The following IL7 variants were observed in gnomAD, a reference collection of about 807,000 sequenced individuals.
IL7 encodes interleukin-7.
Under a neutral mutation model 21.6 loss-of-function variants are expected in IL7, and 3 were observed. The ratio of observed to expected loss-of-function variants is 0.14; its 90% confidence interval spans 0.06 to 0.36. IL7 has a LOEUF of 0.36. Among genes scored for constraint, IL7 ranks in the 10% least tolerant of loss-of-function variants. The pLI, the probability that IL7 is intolerant of heterozygous loss-of-function variation, is 1.00. For synonymous variants in IL7, 62 were observed against 68.1 expected, an observed-to-expected ratio of 0.91 and a Z score of 0.44; for missense variants, 175 against 200.2, an observed-to-expected ratio of 0.87 and a Z score of 0.76.
chr8:78,681,897 CTTTCT>C (rs1488701364), intron 4 of IL7, among the ~76,000 whole-genome samples: 2 of 120,316 alleles, frequency 1.7e-5, no homozygotes, highest in African/African-American at 5.8e-5. Context: ...TTTCCTTTTT[CTTTCT>C]TTTTTTTTTT....
intron 2 of IL7, among the ~76,000 whole-genome samples, chr8:78,748,087 A>G (rs1812043957): frequency 6.6e-6 from 1 of 152,238 alleles, no homozygotes. Flanking sequence ...AGGAAGAGAC[A>G]GAACTGGTTT....
chr8:78,788,738 C>A (rs1813592689), intron 2 of IL7, among the ~76,000 whole-genome samples: 1 of 152,050 alleles, frequency 6.6e-6, no homozygotes, highest in African/African-American at 2.4e-5. Context: ...TCAATTAGAT[C>A]CAGTTGATTT....
intron 2 of IL7, among the ~76,000 whole-genome samples, chr8:78,763,654 T>C (rs774247200): frequency 9.8e-5 from 15 of 152,314 alleles, no homozygotes; most frequent in Non-Finnish European, 1.9e-4. Context: ...AATAGGACTA[T>C]ATCTATTCAA....
intron 3 of IL7, among the ~76,000 whole-genome samples, chr8:78,695,171 A>G (rs1810357170): frequency 6.6e-6 from 1 of 152,194 alleles, no homozygotes; most frequent in African/African-American, 2.4e-5. Flanking sequence ...TGTCTAAAGT[A>G]ATGGGAAATA....
chr8:78,687,694 G>A (rs1357463333), intron 3 of IL7, among the ~76,000 whole-genome samples: 10 of 97,960 alleles, frequency 1.0e-4, no homozygotes, highest in South Asian at 6.6e-4. Context: ...ATATATTTAC[G>A]TAATACATTA....
At chr8:78,762,387 C>A (rs1586080213) in intron 2 of IL7, 2 of 1,612,064 alleles carry the variant, frequency 1.2e-6, no homozygotes, top group East Asian at 4.5e-5. Flanking sequence ...AGTCGGACTG[C>A]GTGCTCTTCC....
chr8:78,725,208 A>G (rs569453573), intron 3 of IL7, among the ~76,000 whole-genome samples: 2 of 152,142 alleles, frequency 1.3e-5, no homozygotes, highest in South Asian at 4.2e-4. Context: ...ATAATATGAA[A>G]TGGACACTGC....
chr8:78,720,867 T>C (rs1400198162), intron 5 of IL7, among the ~76,000 whole-genome samples: 2 of 151,948 alleles, frequency 1.3e-5, no homozygotes, highest in Admixed American at 1.3e-4. Flanking sequence ...TAGTAGGTTA[T>C]AGTTTCATTT....
In IL7 at chr8:78,762,020, T is replaced by C. The variant is rs1243840442; in HGVS notation, c.148-21938A>G. Reference sequence around the variant, plus strand: ...CTCTTCTTCGCTGGGGTTCTGAGCATTGCTATTGTTGGTTTCTTTATGTTT... The same window carrying C: ...CTCTTCTTCGCTGGGGTTCTGAGCACTGCTATTGTTGGTTTCTTTATGTTT... On this transcript the variant is annotated intron_variant, in intron 2 of 5. Transcript: ENST00000263851. 2.5e-6 allele frequency: 4 copies of C among 1,601,250 alleles called. No homozygotes were observed. In the Admixed American group the frequency reaches 5.1e-5, roughly 20 times the overall value.
At chr8:78,759,057 T>C (rs1563423682) in intron 2 of IL7, among the ~76,000 whole-genome samples, 4 of 145,658 alleles carry the variant, frequency 2.7e-5, no homozygotes, top group African/African-American at 1.1e-4. Flanking sequence ...ATTCTTTTAT[T>C]CCCCCCCCCA....
intron 3 of IL7, chr8:78,712,152 C>A (rs1443259036): frequency 1.8e-6 from 2 of 1,117,156 alleles, no homozygotes; most frequent in East Asian, 5.8e-5. Flanking sequence ...CAGATATTTC[C>A]TTAAAAGCTT....
At position 78,793,777 on chromosome 8, in the gene IL7, T is replaced by C. The variant is rs75167080; in HGVS notation, c.147+4295A>G. Among the ~76,000 whole-genome samples the C allele has an allele frequency of 7.3e-3, 1,107 of 152,284 alleles. 15 individuals carry two copies. The highest frequency in any genetic ancestry group is 0.025 in the African/African-American group (1,023 of 41,550). On this transcript the variant is annotated intron_variant, in intron 2 of 5. Coordinates refer to ENST00000263851, the MANE Select transcript of IL7 (RefSeq NM_000880.4). ...CTGTTTGAAAGCATTTTATCCACAG[T>C]AGAACTTCTTTTAAAATTAGAGGCA...
chr8:78,797,951 T>C, intron 2 of IL7, 121 bp downstream of exon 2: 1 of 679,956 alleles, frequency 1.5e-6, no homozygotes, highest in South Asian at 2.7e-5. Context: ...TTAAATTTTA[T>C]TCTATAGTTA....
intron 3 of IL7, among the ~76,000 whole-genome samples, chr8:78,709,132 CA>C (rs1392221664): frequency 6.6e-6 from 1 of 152,112 alleles, no homozygotes; most frequent in Non-Finnish European, 1.5e-5. Flanking sequence ...GTGAAACTAT[CA>C]AATATCAGAG....
intron 2 of IL7, among the ~76,000 whole-genome samples, chr8:78,779,500 G>A (rs899174526): frequency 6.6e-6 from 1 of 152,028 alleles, no homozygotes; most frequent in Non-Finnish European, 1.5e-5. Context: ...ATAATCAAGT[G>A]GTTTTTGTCT....
chr8:78,701,086 A>G (rs975563451), intron 3 of IL7, among the ~76,000 whole-genome samples: 1 of 152,216 alleles, frequency 6.6e-6, no homozygotes, highest in African/African-American at 2.4e-5. Context: ...TTTAGGCAGT[A>G]TCACCATTTT....
At chr8:78,777,272 G>A (rs72661373) in intron 2 of IL7, among the ~76,000 whole-genome samples, 9,740 of 151,970 alleles carry the variant, frequency 0.064, 338 homozygotes, top group Middle Eastern at 0.092. Flanking sequence ...AGTATTAGAC[G>A]CATCATTGTC....
intron 3 of IL7, chr8:78,698,431 G>A (rs1301908806): frequency 6.2e-7 from 1 of 1,612,418 alleles, no homozygotes; most frequent in Admixed American, 1.7e-5. Flanking sequence ...TTCAGGTAAA[G>A]TGTCTTCAAG....
At chr8:78,694,164 C>T (rs1057473436) in intron 3 of IL7, among the ~76,000 whole-genome samples, 6 of 151,922 alleles carry the variant, frequency 3.9e-5, no homozygotes, top group Non-Finnish European at 8.8e-5. Flanking sequence ...TTATAGTTTG[C>T]AATTTTCCAT....
Sources: gnomAD v4.1 joint callset for allele counts (sites outside exome capture counted in the v4.1 genomes callset) on GRCh38, gnomAD v4.1.1 for gene constraint, MANE v1.5 for transcripts, NCBI Gene and HGNC (gene_info 2026-07-23, HGNC 2026-07-21) for gene names.